The following SIPA1L2 variants were observed in gnomAD, a reference collection of about 807,000 sequenced individuals.
SIPA1L2 encodes signal induced proliferation associated 1 like 2.
In SIPA1L2, 56 loss-of-function variants were observed where a neutral mutation model predicts 163.9. The observed-to-expected ratio is 0.34, with a 90% CI of 0.28 to 0.43. The LOEUF is 0.43. Among genes scored for constraint, SIPA1L2 ranks in the 20% least tolerant of loss-of-function variants. The pLI is 1.00. For missense variants in SIPA1L2, 1,974 were observed against 2,193.5 expected (o/e 0.90, Z 2.00); for synonymous variants, 877 against 865.7 (o/e 1.01, Z -0.23).
At chr1:232,406,956 C>A (rs760779208) in intron 19 of SIPA1L2, among the ~76,000 whole-genome samples, 3 of 152,158 alleles carry the variant, frequency 2.0e-5, no homozygotes, top group Non-Finnish European at 4.4e-5. Flanking sequence ...GATTCTGACA[C>A]CTGTGCTTAT....
intron 15 of SIPA1L2, among the ~76,000 whole-genome samples, chr1:232,437,554 C>T (rs560858914): frequency 1.4e-4 from 21 of 152,316 alleles, no homozygotes; most frequent in African/African-American, 4.8e-4. Flanking sequence ...GCATCCACTC[C>T]CCCTTCTCCA....
rs1659259097 is a variant in SIPA1L2 at position 232,564,245 on chromosome 1, TG to T, written c.-270+9928del. Among the ~76,000 whole-genome samples, 5 of 33,286 alleles carry T rather than the reference TG, an allele frequency of 1.5e-4. 1 individual carries two copies. Among genetic ancestry groups the T allele is most frequent in the Admixed American group, 2.7e-4 (1 of 3,734 alleles). 21.8% of individuals were successfully genotyped at this position (33,286 alleles called of 152,430 possible). Reference sequence around the variant, plus strand: ...GGTTTTTTTTTTTTTCGTGTGTGTGTGTGTGTGTGTGTGTGTGTGTGTGTGT... The same window carrying T: ...GGTTTTTTTTTTTTTCGTGTGTGTGTTGTGTGTGTGTGTGTGTGTGTGTGT... On this transcript the variant is annotated intron_variant, in intron 2 of 22. Transcript: ENST00000674635.
rs955271311 is a variant in SIPA1L2, at chr1:232,465,934, G to C, written c.2244-518C>G. ...AAGACGGCCATCCATAAGCCAAGGG[G>C]AGAGGTCTCAGGAGAAACCAATCCT... On this transcript the variant is annotated intron_variant, in intron 8 of 22. Coordinates refer to ENST00000674635, the MANE Select transcript of SIPA1L2 (RefSeq NM_020808.5). The surrounding 1 kb of genome is among the most constrained non-coding windows in gnomAD (Gnocchi z 4.1). Among the ~76,000 whole-genome samples, 1 of 151,838 alleles carries C rather than the reference G, an allele frequency of 6.6e-6. No homozygotes were observed. Among genetic ancestry groups the C allele is most frequent in the African/African-American group, 2.4e-5 (1 of 41,324 alleles).
At chr1:232,432,550 A>G (rs1662310451) in intron 15 of SIPA1L2, 79 bp from the exon 16 acceptor site, 1 of 1,314,078 alleles carries the variant, frequency 7.6e-7, no homozygotes, top group Non-Finnish European at 1.1e-6. Context: ...CAGAGCCACA[A>G]GGCTTTACTC....
At chr1:232,529,457 A>G (rs552322208) in intron 2 of SIPA1L2, among the ~76,000 whole-genome samples, 1 of 152,362 alleles carries the variant, frequency 6.6e-6, no homozygotes, top group South Asian at 2.1e-4. Context: ...CTGGGCACAG[A>G]AGAATGGGTG....
chr1:232,524,946 A>T (rs938849788), intron 2 of SIPA1L2, among the ~76,000 whole-genome samples: 1 of 152,196 alleles, frequency 6.6e-6, no homozygotes, highest in Non-Finnish European at 1.5e-5. Flanking sequence ...ATACAAATAA[A>T]CTTTAAATTC....
At chr1:232,477,613 C>G (rs980592054) in intron 7 of SIPA1L2, among the ~76,000 whole-genome samples, 1 of 152,196 alleles carries the variant, frequency 6.6e-6, no homozygotes, top group African/African-American at 2.4e-5. Context: ...TTAACACACA[C>G]ACATCCTCCT....
intron 22 of SIPA1L2, among the ~76,000 whole-genome samples, chr1:232,401,413 C>T (rs1027352389): frequency 6.6e-6 from 1 of 152,124 alleles, no homozygotes; most frequent in Admixed American, 6.5e-5. Context: ...TCTCCTAAAC[C>T]CGGTTGGTTT....
intron 1 of SIPA1L2, among the ~76,000 whole-genome samples, chr1:232,584,560 T>G (rs1660554306): frequency 6.6e-6 from 1 of 152,198 alleles, no homozygotes; most frequent in Admixed American, 6.5e-5. Context: ...TATCTTTGGG[T>G]CTTCATTCTG....
At chr1:232,502,265 T>C (rs1666520378) in intron 3 of SIPA1L2, among the ~76,000 whole-genome samples, 1 of 152,120 alleles carries the variant, frequency 6.6e-6, no homozygotes, top group African/African-American at 2.4e-5. Context: ...GCAGGCATGT[T>C]ACTGGCAAAA....
intron 5 of SIPA1L2, among the ~76,000 whole-genome samples, chr1:232,489,385 T>C (rs1246475189): frequency 6.6e-6 from 1 of 152,212 alleles, no homozygotes; most frequent in Non-Finnish European, 1.5e-5. Flanking sequence ...ATTGTTCATA[T>C]ATATGTTTCA....
At chr1:232,450,498 T>C (rs565352302) in intron 10 of SIPA1L2, among the ~76,000 whole-genome samples, 48 of 152,348 alleles carry the variant, frequency 3.2e-4, no homozygotes, top group South Asian at 1.2e-3. Flanking sequence ...CGTCACTGGA[T>C]GTTCAGGTGA....
Position 232,493,632 on chromosome 1 carries a change from T to C in SIPA1L2, c.1512A>G (p.Glu504=), listed in dbSNP as rs1388602561. The part of the protein sequence containing the change: ...KEHQNYFGID[E]NLGPVAVSIR... ...TGCTGACTGCTACTGGACCAAGGTT[T>C]TCATCTATTCCAAAGTAGTTTTGGT... is the stretch of plus-strand genomic sequence containing the variant. The change falls in exon 4 of 23, where the codon GAA becomes GAG. Residue 504 remains glutamate (E), a synonymous_variant. Transcript: ENST00000674635. 11 of 1,614,014 alleles carry C rather than the reference T, an allele frequency of 6.8e-6. No homozygotes were observed. The highest frequency in any genetic ancestry group is 8.5e-6 in the Non-Finnish European group (10 of 1,180,022).
chr1:232,419,353 G>C (rs186307393), intron 18 of SIPA1L2, among the ~76,000 whole-genome samples: 79 of 152,250 alleles, frequency 5.2e-4, no homozygotes, highest in Admixed American at 5.2e-3. Context: ...TCATGTAACT[G>C]GGAAAATTAC....
intron 1 of SIPA1L2, among the ~76,000 whole-genome samples, chr1:232,628,931 TA>T (rs11315791): frequency 0.086 from 13,012 of 151,734 alleles, 1,261 homozygotes; most frequent in African/African-American, 0.22. Context: ...TTGTTTTTTT[TA>T]AAAAAAAGCC....
At chr1:232,543,264 A>G (rs1229037318) in intron 2 of SIPA1L2, among the ~76,000 whole-genome samples, 1 of 152,234 alleles carries the variant, frequency 6.6e-6, no homozygotes, top group Non-Finnish European at 1.5e-5. Context: ...TAATTTGCAT[A>G]ATTTACCAAA....
chr1:232,626,230 C>CTTT (rs56703620), intron 1 of SIPA1L2, among the ~76,000 whole-genome samples: 11,611 of 133,590 alleles, frequency 0.087, 1,228 homozygotes, highest in African/African-American at 0.22. Context: ...CTAATATTTG[C>CTTT]TTTTTTTTTT....
At chr1:232,451,547 C>T (rs1469989783) in intron 10 of SIPA1L2, among the ~76,000 whole-genome samples, 1 of 152,166 alleles carries the variant, frequency 6.6e-6, no homozygotes, top group Non-Finnish European at 1.5e-5. Context: ...ACAAGCTGCT[C>T]AACCCGTGTG....
At chr1:232,548,348 G>C (rs1291402651) in intron 2 of SIPA1L2, among the ~76,000 whole-genome samples, 9 of 152,120 alleles carry the variant, frequency 5.9e-5, no homozygotes, top group African/African-American at 2.2e-4. Context: ...GATATTCTCA[G>C]ACTATAAACA....
Sources: allele counts gnomAD v4.1 joint callset (sites outside exome capture counted in the v4.1 genomes callset), GRCh38; gene constraint gnomAD v4.1.1; non-coding constraint Gnocchi (gnomAD v3.1); transcripts MANE v1.5; gene names NCBI Gene and HGNC (gene_info 2026-07-23, HGNC 2026-07-21).